Variants in HSPG2 observed in about 807,000 individuals in gnomAD.
HSPG2 encodes heparan sulfate proteoglycan 2.
HSPG2 carries 278 observed loss-of-function variants against 526.6 expected under a neutral mutation model. That is an observed-to-expected ratio of 0.53 (90% CI 0.48 to 0.58). The LOEUF is 0.58. Ranked by LOEUF, HSPG2 falls within the 20% of genes least tolerant of loss-of-function variation. The pLI is 0.00. For synonymous variants in HSPG2, 2,465 were observed against 2,555.4 expected, an observed-to-expected ratio of 0.96 and a Z score of 1.07; for missense variants, 5,354 against 6,099.5, an observed-to-expected ratio of 0.88 and a Z score of 4.07.
In HSPG2 at chr1:21,851,648, C is replaced by G. The variant is rs775565589; in HGVS notation, c.7056G>C (p.Val2352=). The G allele has an allele frequency of 6.2e-7, 1 of 1,613,920 alleles. No individual in the cohort carries two copies. Among genetic ancestry groups the G allele is most frequent in the Non-Finnish European group, 8.5e-7 (1 of 1,180,048 alleles). ...PIRIEPSSSQ[V]AEGQTLDLNC... ...TCAGATCCAGGGTCTGCCCTTCCGC[C>G]ACTTGCGAGGAGGAGGGCTCGATGC... is the stretch of plus-strand genomic sequence containing the variant. Residue 2352 remains valine, a synonymous_variant, in exon 55 of 97, where the codon GTG becomes GTC. Transcript: ENST00000374695.
Position 21,824,134 on chromosome 1 carries a change from C to A in HSPG2, c.12886G>T (p.Val4296Leu), listed in dbSNP as rs144217842. 13 of 1,613,320 alleles carry A rather than the reference C, an allele frequency of 8.1e-6. No individual in the cohort carries two copies. The South Asian group carries it at 1.3e-4, about 16-fold the overall frequency. ...AGGGTCCCTTACCGCAGTGCTGTCA[C>A]CCGGTGCCACTCGCCGTCATTGATG... ...DPINDGEWHR[V>L]TALREGRRGS... The change falls in exon 95 of 97, where the codon GTG becomes TTG. Residue 4296 changes from valine (V) to leucine (L), a missense_variant. Transcript: ENST00000374695. This position sits in a 1 kb window ranked among gnomAD's most constrained non-coding sequence, Gnocchi z 5.9.
At chr1:21,907,558 G>C (rs990783208) in intron 1 of HSPG2, among the ~76,000 whole-genome samples, 1 of 152,054 alleles carries the variant, frequency 6.6e-6, no homozygotes, top group Non-Finnish European at 1.5e-5. Flanking sequence ...TTTTTAACAG[G>C]GTTCTGCTCT....
intron 9 of HSPG2, among the ~76,000 whole-genome samples, chr1:21,886,159 C>A (rs900402282): frequency 1.3e-5 from 2 of 152,252 alleles, no homozygotes; most frequent in African/African-American, 4.8e-5. Context: ...TCTCAGGAGC[C>A]CACGAGGCCA....
intron 6 of HSPG2, among the ~76,000 whole-genome samples, chr1:21,888,277 A>G (rs1485914872): frequency 6.6e-6 from 1 of 152,164 alleles, no homozygotes. Context: ...CCCATCTCTA[A>G]AACAGACCCC....
chr1:21,879,135 G>A lies in HSPG2; in HGVS notation c.2344-14C>T. 6.2e-7 allele frequency: 1 copy of A among 1,614,194 alleles called. No individual in the cohort carries two copies. The highest frequency in any genetic ancestry group is 8.5e-7 in the Non-Finnish European group (1 of 1,180,034). On this transcript the variant is annotated splice_polypyrimidine_tract_variant and intron_variant, in intron 17 of 96. Transcript: ENST00000374695. ...GTGCTGGCAATTCTAGAAGAAGGAGGAGGGTATGGCTCAACTTCTAGAGCA... is the reference window on the plus strand; with the variant it reads ...GTGCTGGCAATTCTAGAAGAAGGAGAAGGGTATGGCTCAACTTCTAGAGCA...
chr1:21,882,709 C>G (rs1015532190), intron 13 of HSPG2, among the ~76,000 whole-genome samples: 3 of 152,122 alleles, frequency 2.0e-5, no homozygotes, highest in African/African-American at 7.2e-5. Flanking sequence ...CCACACAGGG[C>G]CAGTGACTGC....
At chr1:21,844,052 G>T in intron 65 of HSPG2, 96 bp downstream of exon 65, 1 of 1,513,310 alleles carries the variant, frequency 6.6e-7, no homozygotes, top group Non-Finnish European at 9.1e-7. Context: ...TTTCCCACAA[G>T]CCCCAGTTGC....
At chr1:21,829,752 G>A in intron 86 of HSPG2, 148 bp from the exon 87 acceptor site, 1 of 750,208 alleles carries the variant, frequency 1.3e-6, no homozygotes. Context: ...CAGTGGCACA[G>A]GAGCCCCCCT....
At position 21,878,422 on chromosome 1, in the gene HSPG2, G is replaced by A. The variant is rs770826397; in HGVS notation, c.2617+11C>T. 7.5e-6 allele frequency: 12 copies of A among 1,600,170 alleles called. No homozygotes were observed. The highest frequency in any genetic ancestry group is 2.2e-5 in the South Asian group (2 of 89,352). ...AGGTGGGTGTCAGGGGATGGTGGCA[G>A]CCATACTCACTGACGGGCCTGCACT... On this transcript the variant is annotated intron_variant, in intron 20 of 96. Transcript: ENST00000374695.
chr1:21,842,935 G>A lies in HSPG2; in HGVS notation c.8759-14C>T, dbSNP rs772220396. 25 of 1,613,878 alleles carry A rather than the reference G, an allele frequency of 1.5e-5. No homozygotes were observed. Among genetic ancestry groups the A allele is most frequent in the Non-Finnish European group, 2.1e-5 (25 of 1,179,960 alleles). On this transcript the variant is annotated splice_polypyrimidine_tract_variant and intron_variant, in intron 66 of 96. Transcript: ENST00000374695. ...CCAGTCCTGGAGCTGTGGGCACAGG[G>A]GGTGGGTGAGAGAGGCCAGGCTCCG...
chr1:21,885,339 C>T lies in HSPG2; in HGVS notation c.1191G>A (p.Arg397=). 1 of 1,614,020 alleles carries T rather than the reference C, an allele frequency of 6.2e-7. No individual in the cohort carries two copies. ...GCTCACTGCAGCCAAACTCGTCGCT[C>T]CGGTCAGGACAGTCGCTCTCCTCGT... ...HCDEESDCPD[R]SDEFGCMPPQ... is the part of the protein sequence containing the mutation. The change falls in exon 10 of 97, where the codon CGG becomes CGA. Residue 397 remains arginine, a synonymous_variant. Transcript: ENST00000374695.
At position 21,865,049 on chromosome 1, in the gene HSPG2, GC is replaced by G; in HGVS notation, c.4419del (p.Gln1474SerfsTer9). ...FREEFWRRPD[G>X]QPATREHLLM... Reference sequence around the variant, plus strand: ...AGGAGGTGCTCGCGTGTGGCCGGCTGCCCATCGGGCCGGCGCCAGAATTCCT... The same window carrying G: ...AGGAGGTGCTCGCGTGTGGCCGGCTGCCATCGGGCCGGCGCCAGAATTCCT... On this transcript the variant is annotated frameshift_variant, in exon 36 of 97. Transcript: ENST00000374695. LOFTEE classifies it high-confidence loss of function. The surrounding 1 kb of genome is among the most constrained non-coding windows in gnomAD (Gnocchi z 5.4). The G allele has an allele frequency of 1.3e-6, 2 of 1,566,564 alleles. No individual in the cohort carries two copies. The highest frequency in any genetic ancestry group is 8.6e-7 in the Non-Finnish European group (1 of 1,159,044).
rs566640313 is a variant in HSPG2, at chr1:21,864,668, C to A, written c.4626+175G>T. Among the ~76,000 whole-genome samples the A allele has an allele frequency of 6.6e-6, 1 of 152,290 alleles. No individual in the cohort carries two copies. Among genetic ancestry groups the A allele is most frequent in the East Asian group, 1.9e-4 (1 of 5,172 alleles). On this transcript the variant is annotated intron_variant, in intron 36 of 96. Transcript: ENST00000374695. The surrounding 1 kb of genome is among the most constrained non-coding windows in gnomAD (Gnocchi z 4.8). ...CCCCTCAGCACCTCTATTTTTTTAC[C>A]TGTTAAAGGGGATAATGATATGTAA...
chr1:21,827,983 G>A (rs756357365), intron 90 of HSPG2, 47 bp downstream of exon 90: 11 of 1,612,180 alleles, frequency 6.8e-6, no homozygotes, highest in Middle Eastern at 1.6e-4. Context: ...GTCGAGCTCC[G>A]GGGCCCCAAG....
Position 21,842,893 on chromosome 1 carries a change from G to C in HSPG2, c.8787C>G (p.Ile2929Met), listed in dbSNP as rs765768172. 1.9e-6 allele frequency: 3 copies of C among 1,614,012 alleles called. No homozygotes were observed. Among genetic ancestry groups the C allele is most frequent in the South Asian group, 2.2e-5 (2 of 91,088 alleles). ...CAGTCACGTGTGAAGAGGAGGCCTCGATGTAGATGGGCTGGGCCAGTCCTG... is the reference window on the plus strand; with the variant it reads ...CAGTCACGTGTGAAGAGGAGGCCTCCATGTAGATGGGCTGGGCCAGTCCTG... ...PAPGLAQPIY[I>M]EASSSHVTEG... Residue 2929 changes from isoleucine to methionine, a missense_variant, in exon 67 of 97, where the codon ATC (isoleucine) becomes ATG (methionine). Transcript: ENST00000374695.
intron 87 of HSPG2, 98 bp downstream of exon 87, chr1:21,829,285 C>T: frequency 7.0e-7 from 1 of 1,433,556 alleles, no homozygotes; most frequent in Non-Finnish European, 9.8e-7. Flanking sequence ...TTGCCCTGAT[C>T]CCTGCATTTA....
chr1:21,843,574 C>T (rs1298122275), intron 65 of HSPG2, 136 bp from the exon 66 acceptor site: 10 of 861,732 alleles, frequency 1.2e-5, no homozygotes, highest in African/African-American at 3.4e-5. Flanking sequence ...TTTGACAGTC[C>T]GCATTGTGGA....
intron 37 of HSPG2, 96 bp from the exon 38 acceptor site, chr1:21,862,211 G>T: frequency 7.4e-7 from 1 of 1,344,968 alleles, no homozygotes. Context: ...TTCCAAGTTT[G>T]TGAACTCATC....
At chr1:21,831,147 C>T in intron 84 of HSPG2, 57 bp from the exon 85 acceptor site, 1 of 1,605,904 alleles carries the variant, frequency 6.2e-7, no homozygotes, top group Admixed American at 1.7e-5. Flanking sequence ...CCATAATCCC[C>T]ACAGGGGCCA....
Sources: allele counts gnomAD v4.1 joint callset (sites outside exome capture counted in the v4.1 genomes callset), GRCh38; gene constraint gnomAD v4.1.1; non-coding constraint Gnocchi (gnomAD v3.1); transcripts MANE v1.5; gene names NCBI Gene and HGNC (gene_info 2026-07-23, HGNC 2026-07-21).